The following PTPRD variants were observed in gnomAD, a reference collection of about 807,000 sequenced individuals.
The protein encoded by PTPRD is protein tyrosine phosphatase receptor type D.
In PTPRD, 34 loss-of-function variants were observed where a neutral mutation model predicts 214.5. The ratio of observed to expected loss-of-function variants is 0.16; its 90% CI spans 0.12 to 0.21. The LOEUF (loss-of-function observed/expected upper bound fraction) is 0.21, where lower values mean the gene tolerates loss of function less well. PTPRD is among the 10% of genes least tolerant of loss of function. The probability of loss-of-function intolerance (pLI) is 1.00; values close to 1 mark genes in which losing one functional copy is unlikely to be tolerated. For synonymous variants in PTPRD, 1,128 were observed against 845.7 expected, an observed-to-expected ratio of 1.33 and a Z score of -5.79; for missense variants, 2,545 against 2,398.7, an observed-to-expected ratio of 1.06 and a Z score of -1.27.
intron 22 of PTPRD, 109 bp downstream of exon 22, chr9:8,507,192 T>C (rs2097560012): frequency 7.9e-7 from 1 of 1,264,406 alleles, no homozygotes; most frequent in African/African-American, 1.5e-5. Context: ...ATCTTTTCCA[T>C]CAAGGTCCTC....
intron 10 of PTPRD, among the ~76,000 whole-genome samples, chr9:9,042,469 C>T (rs923434101): frequency 1.3e-5 from 2 of 151,924 alleles, no homozygotes; most frequent in Non-Finnish European, 1.5e-5. Context: ...CAGGTCTCCC[C>T]GAAAATTGGG....
intron 5 of PTPRD, among the ~76,000 whole-genome samples, chr9:9,870,208 T>C (rs2065066091): frequency 6.6e-6 from 1 of 152,026 alleles, no homozygotes; most frequent in Non-Finnish European, 1.5e-5. Flanking sequence ...ATAATTTCTA[T>C]TTTGAAGTAT....
At position 10,567,456 on chromosome 9, in the gene PTPRD, A is replaced by G. The variant is rs968990270; in HGVS notation, c.-600+44942T>C. Among the ~76,000 whole-genome samples, 6 of 152,244 alleles carry G rather than the reference A, an allele frequency of 3.9e-5. No individual in the cohort carries two copies. The East Asian group carries it at 5.8e-4, about 15-fold the overall frequency. ...TTCAATTGTAATTTTATAGTATATT[A>G]TCTGTAACCAGTTTCCAAAGAACAC... On this transcript the variant is annotated intron_variant, in intron 2 of 45. Transcript: ENST00000381196.
chr9:10,336,730 C>T (rs10123946), intron 3 of PTPRD, among the ~76,000 whole-genome samples: 12 of 151,044 alleles, frequency 7.9e-5, no homozygotes, highest in Admixed American at 2.6e-4. Flanking sequence ...AAATAACAAT[C>T]GGCAGAAACT....
At chr9:9,934,052 C>G (rs2153942175) in intron 5 of PTPRD, among the ~76,000 whole-genome samples, 1 of 149,274 alleles carries the variant, frequency 6.7e-6, no homozygotes, top group East Asian at 2.0e-4. Flanking sequence ...CACAACATAC[C>G]AGAATCTCTG....
At chr9:9,847,251 C>CT (rs1455446876) in intron 5 of PTPRD, among the ~76,000 whole-genome samples, 1 of 152,034 alleles carries the variant, frequency 6.6e-6, no homozygotes, top group Non-Finnish European at 1.5e-5. Context: ...AAAGTGATTA[C>CT]TTTGTTATTT....
chr9:9,531,657 A>T (rs754575955), intron 8 of PTPRD, among the ~76,000 whole-genome samples: 3 of 152,138 alleles, frequency 2.0e-5, no homozygotes, highest in Non-Finnish European at 4.4e-5. Context: ...TTGTTTATCA[A>T]TTCAGTGGGT....
At chr9:10,424,171 A>G (rs2098587516) in intron 2 of PTPRD, among the ~76,000 whole-genome samples, 2 of 152,006 alleles carry the variant, frequency 1.3e-5, no homozygotes, top group Non-Finnish European at 2.9e-5. Flanking sequence ...GAATGAAAAT[A>G]GATTAACATT....
At chr9:9,131,248 A>G (rs1192123334) in intron 10 of PTPRD, among the ~76,000 whole-genome samples, 1 of 152,228 alleles carries the variant, frequency 6.6e-6, no homozygotes, top group African/African-American at 2.4e-5. Flanking sequence ...ATTTCAATTT[A>G]ACTGTTTTCT....
At chr9:10,326,572 C>G (rs1202460148) in intron 3 of PTPRD, among the ~76,000 whole-genome samples, 3 of 151,440 alleles carry the variant, frequency 2.0e-5, no homozygotes, top group Non-Finnish European at 3.0e-5. Context: ...CCATTTTTTA[C>G]TTTCAAATTG....
chr9:8,589,758 G>A (rs956257129), intron 14 of PTPRD, among the ~76,000 whole-genome samples: 7 of 152,140 alleles, frequency 4.6e-5, no homozygotes, highest in Admixed American at 2.0e-4. Context: ...TCATGCTTCC[G>A]TTTGAATGAG....
chr9:9,851,474 A>G (rs2060535818), intron 5 of PTPRD, among the ~76,000 whole-genome samples: 1 of 152,260 alleles, frequency 6.6e-6, no homozygotes, highest in Non-Finnish European at 1.5e-5. Context: ...GTGAAGTTAC[A>G]ACAAGTACTG....
At chr9:9,020,529 A>G (rs1388583129) in intron 10 of PTPRD, among the ~76,000 whole-genome samples, 1 of 152,140 alleles carries the variant, frequency 6.6e-6, no homozygotes, top group Non-Finnish European at 1.5e-5. Context: ...CAAAATAAGG[A>G]ACCAAGAATG....
At chr9:9,516,233 T>C (rs1273650160) in intron 8 of PTPRD, among the ~76,000 whole-genome samples, 1 of 151,600 alleles carries the variant, frequency 6.6e-6, no homozygotes, top group East Asian at 1.9e-4. Flanking sequence ...CTACAGTCCA[T>C]CTAAATCTAT....
chr9:9,951,285 C>T (rs576872731), intron 4 of PTPRD, among the ~76,000 whole-genome samples: 1 of 152,232 alleles, frequency 6.6e-6, no homozygotes, highest in East Asian at 1.9e-4. Context: ...CTAAGGGCCT[C>T]AATGGCAGTG....
intron 3 of PTPRD, among the ~76,000 whole-genome samples, chr9:10,060,284 GGAAA>G (rs1442918222): frequency 3.3e-5 from 5 of 151,898 alleles, no homozygotes; most frequent in African/African-American, 9.7e-5. Context: ...AAAAATAGAA[GGAAA>G]GAGAGGGAAA....
At chr9:10,280,320 A>G (rs574082001) in intron 3 of PTPRD, among the ~76,000 whole-genome samples, 10 of 150,368 alleles carry the variant, frequency 6.7e-5, no homozygotes, top group Non-Finnish European at 1.2e-4. Context: ...CAGGATGAGA[A>G]GTAGATGAAG....
chr9:10,274,056 T>C (rs1049060753), intron 3 of PTPRD, among the ~76,000 whole-genome samples: 1 of 152,102 alleles, frequency 6.6e-6, no homozygotes, highest in Admixed American at 6.6e-5. Context: ...ATTCATTTAA[T>C]GGCTGTGGGT....
chr9:9,030,276 C>CTTTTTTTTTTTTTTTTTTTTTTTT (rs71317396), intron 10 of PTPRD, among the ~76,000 whole-genome samples: 1 of 37,920 alleles, frequency 2.6e-5, no homozygotes, highest in Non-Finnish European at 4.4e-5. Flanking sequence ...CACACTTGGG[C>CTTTTTTTTTTTTTTTTTTTTTTTT]TTTTTTTTTT....
Sources: allele counts gnomAD v4.1 joint callset (sites outside exome capture counted in the v4.1 genomes callset), GRCh38; gene constraint gnomAD v4.1.1; transcripts MANE v1.5; gene names NCBI Gene and HGNC (gene_info 2026-07-23, HGNC 2026-07-21).